The following MRTFA variants were observed in gnomAD, a reference collection of about 807,000 sequenced individuals.
MRTFA encodes myocardin-related transcription factor A.
Under a neutral mutation model 83.5 loss-of-function variants are expected in MRTFA, and 20 were observed. The observed-to-expected ratio is 0.24, with a 90% CI of 0.17 to 0.35. The LOEUF is 0.35. MRTFA is among the 10% of genes least tolerant of loss of function. The probability of loss-of-function intolerance (pLI) is 1.00; values close to 1 mark genes in which losing one functional copy is unlikely to be tolerated. For missense variants in MRTFA, 1,200 were observed against 1,224.7 expected, an observed-to-expected ratio of 0.98 and a Z score of 0.30; for synonymous variants, 659 against 541.2, an observed-to-expected ratio of 1.22 and a Z score of -3.02.
At chr22:40,588,185 C>T (rs186894126) in intron 2 of MRTFA, among the ~76,000 whole-genome samples, 2 of 152,140 alleles carry the variant, frequency 1.3e-5, no homozygotes, top group East Asian at 1.9e-4. Flanking sequence ...CGCGCCACCA[C>T]GCCCAGATAA....
At chr22:40,577,306 A>C (rs1012509561) in intron 2 of MRTFA, among the ~76,000 whole-genome samples, 14 of 151,864 alleles carry the variant, frequency 9.2e-5, no homozygotes, top group Non-Finnish European at 1.8e-4. Context: ...TACAGCTCAG[A>C]ATCCCAAATA....
intron 1 of MRTFA, among the ~76,000 whole-genome samples, chr22:40,616,898 A>T (rs2056455159): frequency 6.6e-6 from 1 of 151,948 alleles, no homozygotes; most frequent in African/African-American, 2.4e-5. Flanking sequence ...CAGCAGTTCG[A>T]GCCCAGCCTG....
At chr22:40,470,282 A>ATATATAT (rs2053886396) in intron 3 of MRTFA, among the ~76,000 whole-genome samples, 9 of 79,128 alleles carry the variant, frequency 1.1e-4, no homozygotes, top group African/African-American at 1.8e-4. Flanking sequence ...TATATATATA[A>ATATATAT]AGAAACATAA....
At chr22:40,554,628 C>T (rs2055493189) in intron 2 of MRTFA, among the ~76,000 whole-genome samples, 1 of 152,196 alleles carries the variant, frequency 6.6e-6, no homozygotes. Flanking sequence ...TTATAAACTA[C>T]CCAATCTTGG....
rs1569254400 is a variant in MRTFA at position 40,420,996 on chromosome 22, CG to C, written c.1031del (p.Pro344ArgfsTer93). On this transcript the variant is annotated frameshift_variant, in exon 10 of 15. Transcript: ENST00000355630. LOFTEE classifies it high-confidence loss of function. ...GTGCCCCCCTGTCCTGCTTCTGGTC[CG>C]GGGGGATGTACTGGTGGTACTTGAG... 6.2e-7 allele frequency: 1 copy of C among 1,606,826 alleles called. No individual in the cohort carries two copies. The highest frequency in any genetic ancestry group is 2.2e-5 in the East Asian group (1 of 44,728).
chr22:40,606,248 A>C (rs133033), intron 1 of MRTFA, among the ~76,000 whole-genome samples: 1,571 of 152,382 alleles, frequency 0.01, 13 homozygotes, highest in South Asian at 0.018. Flanking sequence ...TAAGGAAAGG[A>C]AAATAAATTT....
chr22:40,538,330 G>C (rs967192349), intron 3 of MRTFA, among the ~76,000 whole-genome samples: 1 of 140,434 alleles, frequency 7.1e-6, no homozygotes, highest in African/African-American at 2.7e-5. Context: ...GATTAAGGGC[G>C]GTGCAAGATG....
intron 7 of MRTFA, among the ~76,000 whole-genome samples, chr22:40,428,763 C>T (rs1234893175): frequency 1.3e-5 from 2 of 152,056 alleles, no homozygotes; most frequent in African/African-American, 4.8e-5. Flanking sequence ...CTCAAGTGAT[C>T]CTCCCGCCTC....
In MRTFA at chr22:40,483,542, G is replaced by A. The variant is rs910635757; in HGVS notation, c.242-20256C>T. 1.6e-4 allele frequency among the ~76,000 whole-genome samples: 24 copies of A among 151,510 alleles called. 1 individual carries two copies. The highest frequency in any genetic ancestry group is 3.9e-4 in the African/African-American group (16 of 41,162). ...CTACTAAAAATACAAAAAAGTAGCC[G>A]GGTGTGGTGGGGGGCGCCTGTAGTC... is the stretch of plus-strand genomic sequence containing the variant. On this transcript the variant is annotated intron_variant, in intron 3 of 14. Coordinates refer to ENST00000355630, the MANE Select transcript of MRTFA (RefSeq NM_020831.6).
At chr22:40,628,276 G>C (rs2147447240) in intron 1 of MRTFA, among the ~76,000 whole-genome samples, 1 of 152,296 alleles carries the variant, frequency 6.6e-6, no homozygotes, top group African/African-American at 2.4e-5. Context: ...GTAACTGTCA[G>C]TACCCAGATC....
chr22:40,423,809 C>T (rs560397474), intron 8 of MRTFA, 124 bp from the exon 9 acceptor site: 39 of 920,414 alleles, frequency 4.2e-5, no homozygotes, highest in Admixed American at 7.1e-5. Flanking sequence ...GGGCAGAGAC[C>T]GGAGGAGGAG....
rs1022424338 is a variant in MRTFA, at chr22:40,513,251, G to A, written c.241+38855C>T. ...TGAGATGCAGGAGGTAAGAATTAAC[G>A]GACAAGAAGCAGAAATATTAAAACA... On this transcript the variant is annotated intron_variant, in intron 3 of 14. Coordinates refer to ENST00000355630, the MANE Select transcript of MRTFA (RefSeq NM_020831.6). 2.0e-5 allele frequency among the ~76,000 whole-genome samples: 3 copies of A among 152,160 alleles called. 1 individual carries two copies. In the South Asian group the frequency reaches 6.2e-4, roughly 31 times the overall value.
At chr22:40,519,434 T>C (rs2054821982) in intron 3 of MRTFA, 5 of 1,332,802 alleles carry the variant, frequency 3.8e-6, no homozygotes, top group Non-Finnish European at 5.0e-6. Context: ...GGTTGAGAGA[T>C]GAAGGCGATG....
At chr22:40,579,657 C>T (rs1483635717) in intron 2 of MRTFA, among the ~76,000 whole-genome samples, 1 of 152,000 alleles carries the variant, frequency 6.6e-6, no homozygotes, top group Non-Finnish European at 1.5e-5. Flanking sequence ...GTCAGGAGTT[C>T]AAGACCATCC....
Position 40,418,887 on chromosome 22 carries a change from C to G in MRTFA, c.1851G>C (p.Glu617Asp), listed in dbSNP as rs1386512424. Residue 617 changes from glutamate (E) to aspartate (D), a missense_variant, in exon 12 of 15, where the codon GAG (glutamate) becomes GAC (aspartate). Glu to Asp is a conservative substitution (Grantham distance 45). Around this residue, in one of 2 missense-constraint regions of MRTFA, gnomAD observed 1,107 missense variants for 1,041.8 expected, o/e 1.06. Coordinates refer to ENST00000355630, the MANE Select transcript of MRTFA (RefSeq NM_020831.6). ...TCTGGTCCTTGTCGCGCCCCTCTAG[C>G]TCCGCCCGCCCCCCAGGGCTCAGGC... 2 of 1,612,686 alleles carry G rather than the reference C, an allele frequency of 1.2e-6. No homozygotes were observed. The highest frequency in any genetic ancestry group is 1.7e-6 in the Non-Finnish European group (2 of 1,179,860).
intron 3 of MRTFA, among the ~76,000 whole-genome samples, chr22:40,550,183 C>A (rs922145310): frequency 6.6e-6 from 1 of 151,422 alleles, no homozygotes; most frequent in Non-Finnish European, 1.5e-5. Context: ...GTTCTTCCTA[C>A]TTCTTTTTTT....
intron 2 of MRTFA, among the ~76,000 whole-genome samples, chr22:40,564,914 G>A (rs916039328): frequency 6.6e-6 from 1 of 152,032 alleles, no homozygotes; most frequent in Admixed American, 6.6e-5. Context: ...GCTTCCCAAA[G>A]TGCTAGGATT....
In MRTFA at chr22:40,431,390, T is replaced by C. The variant is rs1187834767; in HGVS notation, c.439+15A>G. 2 of 1,613,092 alleles carry C rather than the reference T, an allele frequency of 1.2e-6. No homozygotes were observed. The highest frequency in any genetic ancestry group is 3.3e-5 in the Admixed American group (2 of 60,014). On this transcript the variant is annotated intron_variant, in intron 6 of 14. Coordinates refer to ENST00000355630, the MANE Select transcript of MRTFA (RefSeq NM_020831.6). ...GAACTGGATCTAGATGGAAAAGCAA[T>C]TCCAATCTCCACACCTTCCAAAATG...
At chr22:40,489,965 C>CT (rs2054244147) in intron 3 of MRTFA, among the ~76,000 whole-genome samples, 1 of 81,208 alleles carries the variant, frequency 1.2e-5, no homozygotes, top group Non-Finnish European at 2.3e-5. Flanking sequence ...AAGCATGACT[C>CT]TGTCGCAAAA....
Sources: allele counts gnomAD v4.1 joint callset (sites outside exome capture counted in the v4.1 genomes callset), GRCh38; gene constraint gnomAD v4.1.1; regional missense constraint gnomAD v4.1.1; transcripts MANE v1.5; gene names NCBI Gene and HGNC (gene_info 2026-07-23, HGNC 2026-07-21).